ACSF3: variants seen among roughly 807,000 people sequenced by gnomAD.
ACSF3 encodes malonate--CoA ligase ACSF3, mitochondrial.
A neutral mutation model predicts 53.2 loss-of-function variants in ACSF3; 78 were observed. The observed-to-expected ratio is 1.47, with a 90% CI of 1.22 to 1.77. The LOEUF is 1.77. Ranked by LOEUF, ACSF3 falls within the 40% of genes most tolerant of loss-of-function variation. The pLI is 0.00. For synonymous variants in ACSF3, 414 were observed against 333.1 expected, an observed-to-expected ratio of 1.24 and a Z score of -2.65; for missense variants, 937 against 771.1, an observed-to-expected ratio of 1.22 and a Z score of -2.55.
chr16:89,155,780 C>G lies in ACSF3; in HGVS notation c.*1573C>G, dbSNP rs1425168299. Reference sequence around the variant, plus strand: ...TTCCACTAATTTTACATTTGCATCTCTCTCCTTTAATCCTGAAACTTTTGA... The same window carrying G: ...TTCCACTAATTTTACATTTGCATCTGTCTCCTTTAATCCTGAAACTTTTGA... On this transcript the variant is annotated 3_prime_UTR_variant, in exon 11 of 11. Coordinates refer to ENST00000614302, the MANE Select transcript of ACSF3 (RefSeq NM_001243279.3). The G allele has an allele frequency of 2.2e-6, 1 of 454,082 alleles. No homozygotes were observed. The highest frequency in any genetic ancestry group is 4.4e-6 in the Non-Finnish European group (1 of 226,768). 28.1% of individuals were successfully genotyped at this position (454,082 alleles called of 1,614,324 possible). A position where few individuals can be genotyped will look rare whatever the true frequency, so the allele number is the denominator to read the frequency against.
In ACSF3 at chr16:89,145,943, G is replaced by T. The variant is rs1032434888; in HGVS notation, c.1507G>T (p.Ala503Ser). The T allele has an allele frequency of 1.1e-5, 18 of 1,613,850 alleles. No homozygotes were observed. Among genetic ancestry groups the T allele is most frequent in the Non-Finnish European group, 1.4e-5 (17 of 1,179,848 alleles). Reference protein sequence around the residue: ...LLAHPSITDVAVIGVPDMTWG... With the variant: ...LLAHPSITDVSVIGVPDMTWG... ...AACTGTTCTTCTATCCGCAGATGTG[G>T]CTGTGATTGGAGTTCCGGATATGAC... Residue 503 changes from alanine to serine, a missense_variant, in exon 10 of 11, where the codon GCT becomes TCT. Coordinates refer to ENST00000614302, the MANE Select transcript of ACSF3 (RefSeq NM_001243279.3).
At chr16:89,101,494 C>A in intron 3 of ACSF3, 147 bp downstream of exon 3, 3 of 1,495,692 alleles carry the variant, frequency 2.0e-6, no homozygotes, top group Admixed American at 2.1e-5. Flanking sequence ...GATACAGGGA[C>A]GCAGGCCCTC....
intron 5 of ACSF3, 151 bp from the exon 6 acceptor site, chr16:89,114,188 G>T (rs1328677211): frequency 3.9e-6 from 4 of 1,012,696 alleles, no homozygotes; most frequent in Non-Finnish European, 6.0e-6. Context: ...TCGCACAGTG[G>T]TGCTGTACCC....
intron 7 of ACSF3, among the ~76,000 whole-genome samples, chr16:89,127,746 T>A (rs926711867): frequency 6.6e-6 from 1 of 152,174 alleles, no homozygotes; most frequent in Non-Finnish European, 1.5e-5. Context: ...ATCTGTTGCA[T>A]CTTGGGTGAT....
At chr16:89,143,195 G>A (rs1912207504) in intron 8 of ACSF3, among the ~76,000 whole-genome samples, 1 of 152,196 alleles carries the variant, frequency 6.6e-6, no homozygotes, top group Non-Finnish European at 1.5e-5. Flanking sequence ...CATCCTCAGT[G>A]CCGTGCGTAG....
chr16:89,122,451 C>A, intron 7 of ACSF3: 1 of 444,064 alleles, frequency 2.3e-6, no homozygotes, highest in Non-Finnish European at 4.5e-6. Context: ...AGGCTGCTGG[C>A]CACACCCCAC....
intron 7 of ACSF3, among the ~76,000 whole-genome samples, chr16:89,130,823 T>A (rs1257131512): frequency 6.6e-6 from 1 of 152,128 alleles, no homozygotes; most frequent in Admixed American, 6.5e-5. Flanking sequence ...TGCACCTAAG[T>A]GTTATCTTTT....
chr16:89,125,622 T>C (rs139971554), intron 7 of ACSF3, among the ~76,000 whole-genome samples: 1 of 148,348 alleles, frequency 6.7e-6, no homozygotes, highest in Non-Finnish European at 1.5e-5. Flanking sequence ...GCCTGGGAGG[T>C]GGAGGTTGAA....
At chr16:89,131,965 C>T (rs1354512943) in intron 7 of ACSF3, among the ~76,000 whole-genome samples, 1 of 151,008 alleles carries the variant, frequency 6.6e-6, no homozygotes, top group Non-Finnish European at 1.5e-5. Context: ...CCCAGGCTGG[C>T]GGGTTGGCAG....
chr16:89,154,864 C>T lies in ACSF3; in HGVS notation c.*657C>T, dbSNP rs777421848. ...CAGAAAGTGCGTGGACGGATGGCCCCGGAGCTGCTCTGCCGTGACCCTGCC... is the reference window on the plus strand; with the variant it reads ...CAGAAAGTGCGTGGACGGATGGCCCTGGAGCTGCTCTGCCGTGACCCTGCC... On this transcript the variant is annotated 3_prime_UTR_variant, in exon 11 of 11. Coordinates refer to ENST00000614302, the MANE Select transcript of ACSF3 (RefSeq NM_001243279.3). 1.3e-4 allele frequency: 58 copies of T among 454,100 alleles called. No individual in the cohort carries two copies. Among genetic ancestry groups the T allele is most frequent in the South Asian group, 6.4e-4 (41 of 64,474 alleles). The allele number at this position is 454,100 out of a possible 1,614,324, so 28.1% of individuals were successfully genotyped here. A position where few individuals can be genotyped will look rare whatever the true frequency, so the allele number is the denominator to read the frequency against.
At chr16:89,126,318 G>A (rs1944996624) in intron 7 of ACSF3, among the ~76,000 whole-genome samples, 2 of 152,152 alleles carry the variant, frequency 1.3e-5, no homozygotes, top group South Asian at 2.1e-4. Flanking sequence ...GCCCAGGCTG[G>A]AGTGTAGTGG....
At chr16:89,135,957 T>G (rs921643647) in intron 8 of ACSF3, among the ~76,000 whole-genome samples, 4 of 152,242 alleles carry the variant, frequency 2.6e-5, no homozygotes, top group Admixed American at 2.0e-4. Flanking sequence ...GTATTTTTAG[T>G]AAAGACAGGG....
intron 7 of ACSF3, among the ~76,000 whole-genome samples, chr16:89,127,033 A>G (rs970017119): frequency 2.6e-5 from 4 of 152,228 alleles, no homozygotes; most frequent in Admixed American, 6.5e-5. Flanking sequence ...ATGGTAGATT[A>G]CATTGAACCA....
At position 89,124,495 on chromosome 16, in the gene ACSF3, G is replaced by A. The variant is rs371126110; in HGVS notation, c.1239+3582G>A. Among the ~76,000 whole-genome samples, 4 of 131,428 alleles carry A rather than the reference G, an allele frequency of 3.0e-5. No homozygotes were observed. In the East Asian group the frequency reaches 8.5e-4, roughly 28 times the overall value. 86.2% of individuals were successfully genotyped at this position (131,428 alleles called of 152,430 possible). ...TGATACCCGTGCACACACTGAGTGT[G>A]TGTTACCTGTGCACATGCTGCATGT... On this transcript the variant is annotated intron_variant, in intron 7 of 10. Transcript: ENST00000614302.
intron 5 of ACSF3, chr16:89,113,674 A>C: frequency 5.9e-6 from 1 of 168,760 alleles, no homozygotes; most frequent in Non-Finnish European, 1.3e-5. Context: ...ACCGCAAACA[A>C]AAGCGCCTTC....
intron 4 of ACSF3, among the ~76,000 whole-genome samples, chr16:89,110,131 TA>T (rs144324674): frequency 2.3e-4 from 35 of 152,240 alleles, no homozygotes; most frequent in South Asian, 8.3e-4. Context: ...ATTCATTTTA[TA>T]AAAAAAATTT....
rs528251313 is a variant in ACSF3, at chr16:89,116,188, G to T, written c.1126+1701G>T. ...AATGTCTAACTTTTTAGCACTGTTCGTTGAAAAGACTCCCTTCTCCATCGA... is the reference window on the plus strand; with the variant it reads ...AATGTCTAACTTTTTAGCACTGTTCTTTGAAAAGACTCCCTTCTCCATCGA... On this transcript the variant is annotated intron_variant, in intron 6 of 10. Coordinates refer to ENST00000614302, the MANE Select transcript of ACSF3 (RefSeq NM_001243279.3). 3.9e-5 allele frequency among the ~76,000 whole-genome samples: 6 copies of T among 152,278 alleles called. 1 individual carries two copies. In the South Asian group the frequency reaches 1.0e-3, roughly 26 times the overall value.
intron 8 of ACSF3, among the ~76,000 whole-genome samples, chr16:89,140,051 C>T (rs1289215007): frequency 6.6e-6 from 1 of 152,324 alleles, no homozygotes; most frequent in East Asian, 1.9e-4. Context: ...CACTGGGACT[C>T]CCTCTGCCTT....
rs1049446524 is a variant in ACSF3, at chr16:89,124,011, TCACA to T, written c.1239+3100_1239+3103del. ...ATCACATGCAGTGCACACACAGGTA[TCACA>T]CGCACGCAGTGTGCACACTGGTATC... On this transcript the variant is annotated intron_variant, in intron 7 of 10. Transcript: ENST00000614302. Among the ~76,000 whole-genome samples the T allele has an allele frequency of 9.4e-5, 7 of 74,234 alleles. No homozygotes were observed. The South Asian group carries it at 1.6e-3, about 17-fold the overall frequency. The allele number at this position is 74,234 out of a possible 152,430, so 48.7% of individuals were successfully genotyped here.
Sources: gnomAD v4.1 joint callset for allele counts (sites outside exome capture counted in the v4.1 genomes callset) on GRCh38, gnomAD v4.1.1 for gene constraint, MANE v1.5 for transcripts, NCBI Gene and HGNC (gene_info 2026-07-23, HGNC 2026-07-21) for gene names.